PRKCA: variants seen among roughly 807,000 people sequenced by gnomAD.
The protein encoded by PRKCA is protein kinase C alpha.
PRKCA carries 27 observed loss-of-function variants against 87.0 expected under a neutral mutation model. That is an observed-to-expected ratio of 0.31 (90% CI 0.23 to 0.43). The LOEUF (loss-of-function observed/expected upper bound fraction) is 0.43, where lower values mean the gene tolerates loss of function less well. Among genes scored for constraint, PRKCA ranks in the 20% least tolerant of loss-of-function variants. The pLI, the probability that PRKCA is intolerant of heterozygous loss-of-function variation, is 1.00. For synonymous variants in PRKCA, 329 were observed against 311.1 expected (o/e 1.06, Z -0.61); for missense variants, 518 against 852.3 (o/e 0.61, Z 4.88).
intron 2 of PRKCA, among the ~76,000 whole-genome samples, chr17:66,477,890 A>C (rs982488014): frequency 6.6e-6 from 1 of 152,176 alleles, no homozygotes; most frequent in East Asian, 1.9e-4. Flanking sequence ...AACTGGGCAG[A>C]CTTCTTTCGG....
chr17:66,615,326 G>A (rs775791345), intron 3 of PRKCA, among the ~76,000 whole-genome samples: 11 of 152,266 alleles, frequency 7.2e-5, no homozygotes, highest in East Asian at 1.9e-4. Flanking sequence ...TATGAAGGAG[G>A]GAGGGGAGTG....
intron 2 of PRKCA, among the ~76,000 whole-genome samples, chr17:66,368,335 TA>T (rs1162134240): frequency 1.1e-3 from 27 of 24,580 alleles, no homozygotes; most frequent in African/African-American, 2.8e-3. Context: ...TGTGTGTGTA[TA>T]TATGTGTGTG....
rs1009110479 is a variant in PRKCA, at chr17:66,515,026, C to T, written c.288+18743C>T. Among the ~76,000 whole-genome samples the T allele has an allele frequency of 3.3e-5, 5 of 151,860 alleles. No individual in the cohort carries two copies. In the East Asian group the frequency reaches 5.8e-4, roughly 18 times the overall value. On this transcript the variant is annotated intron_variant, in intron 3 of 16. Coordinates refer to ENST00000413366, the MANE Select transcript of PRKCA (RefSeq NM_002737.3). The stretch of plus-strand genomic sequence containing the variant: ...ATCCCAGCACTTTGGGAGGCCGAGG[C>T]GAGTGGATCACTAGGTCAGGAGATC...
At chr17:66,452,099 C>T (rs4082898) in intron 2 of PRKCA, among the ~76,000 whole-genome samples, 22,063 of 152,108 alleles carry the variant, frequency 0.15, 1,860 homozygotes, top group East Asian at 0.27. Flanking sequence ...CAGCAGGGTG[C>T]GTCCAAGCTG....
At chr17:66,545,208 C>T (rs1968107791) in intron 3 of PRKCA, among the ~76,000 whole-genome samples, 1 of 151,712 alleles carries the variant, frequency 6.6e-6, no homozygotes, top group Non-Finnish European at 1.5e-5. Flanking sequence ...GCGGGCAGAT[C>T]ACGAGGTCAG....
chr17:66,312,134 AC>A (rs1215492307), intron 2 of PRKCA, among the ~76,000 whole-genome samples: 1 of 152,162 alleles, frequency 6.6e-6, no homozygotes, highest in African/African-American at 2.4e-5. Context: ...GATGCATGCC[AC>A]CATGCCCAGC....
intron 11 of PRKCA, among the ~76,000 whole-genome samples, chr17:66,739,842 G>A (rs1273292881): frequency 2.6e-5 from 4 of 152,172 alleles, no homozygotes; most frequent in Non-Finnish European, 5.9e-5. Flanking sequence ...GGAGGGAAGA[G>A]GGAAGGCACT....
chr17:66,540,145 T>A (rs1269700206), intron 3 of PRKCA, among the ~76,000 whole-genome samples: 1 of 152,146 alleles, frequency 6.6e-6, no homozygotes, highest in Non-Finnish European at 1.5e-5. Context: ...TCGGGAAGTG[T>A]CTGTGGCAGC....
chr17:66,400,638 A>G lies in PRKCA; in HGVS notation c.205+94511A>G, dbSNP rs142943253. Among the ~76,000 whole-genome samples the G allele has an allele frequency of 3.0e-4, 46 of 152,380 alleles. No homozygotes were observed. The East Asian group carries it at 4.6e-3, about 15-fold the overall frequency. On this transcript the variant is annotated intron_variant, in intron 2 of 16. Coordinates refer to ENST00000413366, the MANE Select transcript of PRKCA (RefSeq NM_002737.3). ...TTTCAATTCTTTAGGATAGATAGCC[A>G]GAATTGAGATTGCTGGATTACATGA...
At chr17:66,732,050 A>G (rs1329233010) in intron 8 of PRKCA, among the ~76,000 whole-genome samples, 1 of 150,218 alleles carries the variant, frequency 6.7e-6, no homozygotes, top group African/African-American at 2.4e-5. Context: ...TCGGCCTCCC[A>G]GAGTGCTGGG....
At chr17:66,666,356 G>A (rs1454330576) in intron 5 of PRKCA, among the ~76,000 whole-genome samples, 1 of 152,192 alleles carries the variant, frequency 6.6e-6, no homozygotes, top group African/African-American at 2.4e-5. Flanking sequence ...AGAAGCACTT[G>A]AAGTCAAATG....
intron 2 of PRKCA, among the ~76,000 whole-genome samples, chr17:66,325,026 T>G (rs986310673): frequency 4.6e-5 from 7 of 152,242 alleles, no homozygotes; most frequent in African/African-American, 2.4e-5. Context: ...ACCCTGCTAG[T>G]CAGTGTTTCT....
chr17:66,314,798 G>A (rs12451891), intron 2 of PRKCA, among the ~76,000 whole-genome samples: 147,161 of 152,132 alleles, frequency 0.97, 71,185 homozygotes, highest in East Asian at 1. Context: ...TGGTTTTACC[G>A]TCAGGAAAAC....
chr17:66,632,200 T>C (rs1286011957), intron 3 of PRKCA, among the ~76,000 whole-genome samples: 1 of 152,188 alleles, frequency 6.6e-6, no homozygotes, highest in African/African-American at 2.4e-5. Context: ...TTGGGTTACA[T>C]AGATAATGTA....
intron 2 of PRKCA, among the ~76,000 whole-genome samples, chr17:66,389,154 G>A (rs1487887889): frequency 6.6e-6 from 1 of 152,218 alleles, no homozygotes; most frequent in Non-Finnish European, 1.5e-5. Flanking sequence ...AGATAAACGT[G>A]GCTTTCCTTT....
At chr17:66,421,668 G>T (rs1375408474) in intron 2 of PRKCA, among the ~76,000 whole-genome samples, 1 of 150,972 alleles carries the variant, frequency 6.6e-6, no homozygotes, top group Admixed American at 6.6e-5. Context: ...AGGTAGCTGG[G>T]ATTACAGGCA....
intron 5 of PRKCA, among the ~76,000 whole-genome samples, chr17:66,654,180 G>C (rs1401905695): frequency 6.6e-6 from 1 of 152,168 alleles, no homozygotes; most frequent in African/African-American, 2.4e-5. Flanking sequence ...TGATCTCTAT[G>C]TGCCTGGCAT....
intron 3 of PRKCA, among the ~76,000 whole-genome samples, chr17:66,609,069 G>A (rs35804574): frequency 6.6e-6 from 1 of 152,148 alleles, no homozygotes. Flanking sequence ...ATAGGCCTAA[G>A]CCCTTAACTC....
intron 3 of PRKCA, among the ~76,000 whole-genome samples, chr17:66,516,709 C>T (rs781446506): frequency 3.3e-5 from 5 of 152,204 alleles, no homozygotes; most frequent in Admixed American, 6.5e-5. Flanking sequence ...ACCTTGGGAA[C>T]TCCATGTGCT....
Sources: allele counts gnomAD v4.1 joint callset (sites outside exome capture counted in the v4.1 genomes callset), GRCh38; gene constraint gnomAD v4.1.1; transcripts MANE v1.5; gene names NCBI Gene and HGNC (gene_info 2026-07-23, HGNC 2026-07-21).